PARD3B: variants seen among roughly 807,000 people sequenced by gnomAD.
PARD3B encodes the protein par-3 family cell polarity regulator beta.
Under a neutral mutation model 130.2 loss-of-function variants are expected in PARD3B, and 103 were observed. The ratio of observed to expected loss-of-function variants is 0.79; its 90% CI spans 0.67 to 0.93. The LOEUF is 0.93. PARD3B is among the 40% of genes least tolerant of loss of function. The probability of loss-of-function intolerance (pLI) is 0.00; values close to 1 mark genes in which losing one functional copy is unlikely to be tolerated. For synonymous variants in PARD3B, 583 were observed against 553.2 expected (o/e 1.05, Z -0.76); for missense variants, 1,609 against 1,499.2 (o/e 1.07, Z -1.21).
chr2:205,499,012 T>C lies in PARD3B; in HGVS notation c.3045-884T>C, dbSNP rs186060889. Among the ~76,000 whole-genome samples, 39 of 152,290 alleles carry C rather than the reference T, an allele frequency of 2.6e-4. 2 individuals carry two copies. The highest frequency in any genetic ancestry group is 8.9e-4 in the African/African-American group (37 of 41,568). ...AGTGTTCCTTTTTCCATTCCCAGATTTTAACGTCTGGTGCAATGGGGCACT... is the reference window on the plus strand; with the variant it reads ...AGTGTTCCTTTTTCCATTCCCAGATCTTAACGTCTGGTGCAATGGGGCACT... On this transcript the variant is annotated intron_variant, in intron 20 of 22. Coordinates refer to ENST00000406610, the MANE Select transcript of PARD3B (RefSeq NM_001302769.2).
At chr2:204,784,271 T>G (rs1003496860) in intron 2 of PARD3B, among the ~76,000 whole-genome samples, 1 of 152,200 alleles carries the variant, frequency 6.6e-6, no homozygotes, top group African/African-American at 2.4e-5. Flanking sequence ...CACAGAGTTC[T>G]TATGCTCTGG....
intron 21 of PARD3B, among the ~76,000 whole-genome samples, chr2:205,514,887 T>C (rs1472472609): frequency 2.0e-5 from 3 of 150,570 alleles, no homozygotes; most frequent in Non-Finnish European, 4.4e-5. Context: ...GTTTGTTACA[T>C]AGGTAAACTC....
intron 4 of PARD3B, among the ~76,000 whole-genome samples, chr2:205,055,763 A>G (rs1337734435): frequency 6.6e-5 from 10 of 152,172 alleles, no homozygotes. Flanking sequence ...TTAATGTCTC[A>G]GTGTTCATAA....
intron 9 of PARD3B, 30 bp downstream of exon 9, chr2:205,124,496 A>G (rs781299011): frequency 5.3e-6 from 8 of 1,511,250 alleles, no homozygotes; most frequent in Admixed American, 4.0e-5. Flanking sequence ...GTTGTATGAA[A>G]ATATTTCTTG....
intron 3 of PARD3B, among the ~76,000 whole-genome samples, chr2:205,006,915 C>T (rs984638413): frequency 3.9e-5 from 6 of 152,048 alleles, no homozygotes; most frequent in Non-Finnish European, 5.9e-5. Flanking sequence ...CATTTTCCGA[C>T]GTTATCTTCT....
chr2:204,741,348 G>T (rs1441970368), intron 2 of PARD3B, among the ~76,000 whole-genome samples: 2 of 152,132 alleles, frequency 1.3e-5, no homozygotes, highest in Non-Finnish European at 2.9e-5. Context: ...TGATGCTGCT[G>T]AGTTCTTTGT....
chr2:205,025,199 A>G (rs1399717484), intron 3 of PARD3B, among the ~76,000 whole-genome samples: 1 of 152,188 alleles, frequency 6.6e-6, no homozygotes, highest in Admixed American at 6.6e-5. Context: ...GCACTTAGAT[A>G]GCAAAGGCAA....
intron 22 of PARD3B, among the ~76,000 whole-genome samples, chr2:205,597,037 C>CT (rs148534363): frequency 0.025 from 3,720 of 147,458 alleles, 136 homozygotes; most frequent in African/African-American, 0.084. Context: ...GTGCTCATTT[C>CT]TTTTTTTTTT....
intron 2 of PARD3B, among the ~76,000 whole-genome samples, chr2:204,842,715 T>C (rs1464131619): frequency 6.6e-6 from 1 of 152,196 alleles, no homozygotes; most frequent in Non-Finnish European, 1.5e-5. Context: ...TGTTTTGTAA[T>C]GTTTAAACAT....
intron 2 of PARD3B, among the ~76,000 whole-genome samples, chr2:204,725,149 T>C (rs1181742938): frequency 6.6e-6 from 1 of 152,204 alleles, no homozygotes; most frequent in African/African-American, 2.4e-5. Flanking sequence ...TCCTCTTTTG[T>C]TTGAATTATG....
intron 20 of PARD3B, among the ~76,000 whole-genome samples, chr2:205,465,324 G>T (rs1311783986): frequency 1.3e-5 from 2 of 152,042 alleles, no homozygotes; most frequent in Non-Finnish European, 2.9e-5. Flanking sequence ...TATTCCCAAG[G>T]TACAAACGAG....
At chr2:205,044,632 C>T (rs1023031163) in intron 3 of PARD3B, among the ~76,000 whole-genome samples, 36 of 152,008 alleles carry the variant, frequency 2.4e-4, no homozygotes, top group East Asian at 7.7e-4. Context: ...TCATGTCCTT[C>T]GCCCACTTTT....
intron 2 of PARD3B, among the ~76,000 whole-genome samples, chr2:204,886,788 T>C (rs550757760): frequency 6.6e-6 from 1 of 152,302 alleles, no homozygotes; most frequent in South Asian, 2.1e-4. Flanking sequence ...TAAAAATGTT[T>C]TCTGTAGACT....
intron 15 of PARD3B, among the ~76,000 whole-genome samples, chr2:205,243,277 A>G (rs1418444053): frequency 2.0e-5 from 3 of 152,200 alleles, no homozygotes; most frequent in Non-Finnish European, 4.4e-5. Context: ...TTTCTCATTA[A>G]TGATGATGAC....
At chr2:204,985,702 G>T (rs1693073901) in intron 3 of PARD3B, among the ~76,000 whole-genome samples, 1 of 152,172 alleles carries the variant, frequency 6.6e-6, no homozygotes, top group African/African-American at 2.4e-5. Context: ...AATTGATGAA[G>T]CCCCGTGTAC....
At chr2:205,154,343 T>C (rs549284711) in intron 10 of PARD3B, among the ~76,000 whole-genome samples, 80 of 152,184 alleles carry the variant, frequency 5.3e-4, no homozygotes, top group Non-Finnish European at 1.6e-4. Flanking sequence ...AAAACCACCA[T>C]GAGACACCAT....
rs1158821592 is a variant in PARD3B at position 204,965,339 on chromosome 2, A to T, written c.394+16A>T. The T allele has an allele frequency of 6.2e-7, 1 of 1,610,270 alleles. No individual in the cohort carries two copies. Among genetic ancestry groups the T allele is most frequent in the Non-Finnish European group, 8.5e-7 (1 of 1,177,822 alleles). On this transcript the variant is annotated intron_variant, in intron 3 of 22. Coordinates refer to ENST00000406610, the MANE Select transcript of PARD3B (RefSeq NM_001302769.2). ...CTAAAACTAGGTATGTGTAATGTTTATGATATTCTTTTCACCTGACTGAAG... is the reference window on the plus strand; with the variant it reads ...CTAAAACTAGGTATGTGTAATGTTTTTGATATTCTTTTCACCTGACTGAAG...
intron 22 of PARD3B, among the ~76,000 whole-genome samples, chr2:205,583,897 C>G (rs894723800): frequency 4.6e-5 from 7 of 152,164 alleles, no homozygotes; most frequent in African/African-American, 1.7e-4. Flanking sequence ...CTGTCACTTC[C>G]AAACTGCCCC....
intron 20 of PARD3B, among the ~76,000 whole-genome samples, chr2:205,469,140 G>A (rs1395215186): frequency 2.0e-5 from 3 of 152,034 alleles, no homozygotes; most frequent in Admixed American, 6.6e-5. Flanking sequence ...CTTGAAGCAG[G>A]CATGATGTTT....
Sources: allele counts gnomAD v4.1 joint callset (sites outside exome capture counted in the v4.1 genomes callset), GRCh38; gene constraint gnomAD v4.1.1; transcripts MANE v1.5; gene names NCBI Gene and HGNC (gene_info 2026-07-23, HGNC 2026-07-21).